The following NFIX variants were observed in gnomAD, a reference collection of about 807,000 sequenced individuals.
NFIX encodes the protein nuclear factor I X.
Under a neutral mutation model 53.3 loss-of-function variants are expected in NFIX, and 2 were observed. That is an observed-to-expected ratio of 0.04 (90% CI 0.02 to 0.12). The LOEUF is 0.12. Among genes scored for constraint, NFIX ranks in the 10% least tolerant of loss-of-function variants. The probability of loss-of-function intolerance (pLI) is 1.00; values close to 1 mark genes in which losing one functional copy is unlikely to be tolerated. For missense variants in NFIX, 310 were observed against 674.5 expected, an observed-to-expected ratio of 0.46 and a Z score of 5.99; for synonymous variants, 244 against 289.0, an observed-to-expected ratio of 0.84 and a Z score of 1.58.
chr19:13,082,592 C>G (rs969014892), intron 8 of NFIX: 8 of 152,290 alleles, frequency 5.3e-5, no homozygotes, highest in African/African-American at 1.9e-4. Context: ...TGGCTCCCCC[C>G]AGAGCCCTTC....
intron 2 of NFIX, among the ~76,000 whole-genome samples, chr19:13,058,708 A>C (rs1277295739): frequency 1.1e-4 from 16 of 151,972 alleles, no homozygotes; most frequent in Admixed American, 1.0e-3. Flanking sequence ...AGCAAAAAAG[A>C]AACAGAAAAG....
At chr19:13,074,106 G>A in intron 5 of NFIX, 80 bp downstream of exon 5, 1 of 1,565,904 alleles carries the variant, frequency 6.4e-7, no homozygotes, top group Non-Finnish European at 8.8e-7. Flanking sequence ...ATAGTCAGCT[G>A]TGTCACTGAG....
At position 13,036,573 on chromosome 19, in the gene NFIX, G is replaced by A. The variant is rs1001994132; in HGVS notation, c.559+11021G>A. Among the ~76,000 whole-genome samples, 1 of 152,168 alleles carries A rather than the reference G, an allele frequency of 6.6e-6. No individual in the cohort carries two copies. Among genetic ancestry groups the A allele is most frequent in the African/African-American group, 2.4e-5 (1 of 41,444 alleles). ...GAGCGATCGGGAGATCCCCGGAGGC[G>A]ACCTGCAGGAGGCCAGCCGAGTGCA... On this transcript the variant is annotated intron_variant, in intron 2 of 10. Coordinates refer to ENST00000592199, the MANE Select transcript of NFIX (RefSeq NM_001365902.3). The surrounding 1 kb of genome is among the most constrained non-coding windows in gnomAD (Gnocchi z 4.7).
In NFIX at chr19:13,066,366, A is replaced by G. The variant is rs888192523; in HGVS notation, c.560-6681A>G. Among the ~76,000 whole-genome samples the G allele has an allele frequency of 1.4e-4, 18 of 124,784 alleles. 1 individual carries two copies. Among genetic ancestry groups the G allele is most frequent in the Non-Finnish European group, 1.7e-5 (1 of 59,346 alleles). The allele number at this position is 124,784 out of a possible 152,430, so 81.9% of individuals were successfully genotyped here. A position where few individuals can be genotyped will look rare whatever the true frequency, so the allele number is the denominator to read the frequency against. ...GTGCCTTCCCTACCCCCCCGCCCCC[A>G]ACAATGGCTTTTCTTGAGCCTAGGC... On this transcript the variant is annotated intron_variant, in intron 2 of 10. Transcript: ENST00000592199. The surrounding 1 kb of genome is among the most constrained non-coding windows in gnomAD (Gnocchi z 4.2).
At position 13,051,397 on chromosome 19, in the gene NFIX, G is replaced by A. The variant is rs2015318614; in HGVS notation, c.560-21650G>A. 6.6e-6 allele frequency among the ~76,000 whole-genome samples: 1 copy of A among 152,172 alleles called. No individual in the cohort carries two copies. The highest frequency in any genetic ancestry group is 2.1e-4 in the South Asian group (1 of 4,832). On this transcript the variant is annotated intron_variant, in intron 2 of 10. Transcript: ENST00000592199. The surrounding 1 kb of genome is among the most constrained non-coding windows in gnomAD (Gnocchi z 5.1). Reference sequence around the variant, plus strand: ...AGGGTACTAGGGATGGAAGGGAAGAGGAGGGGAATGCTGTCTGACCTGACA... The same window carrying A: ...AGGGTACTAGGGATGGAAGGGAAGAAGAGGGGAATGCTGTCTGACCTGACA...
intron 1 of NFIX, chr19:13,024,733 GGAGAGA>G (rs140446550): frequency 6.5e-7 from 1 of 1,529,562 alleles, no homozygotes; most frequent in Admixed American, 2.0e-5. Flanking sequence ...AGTGAGTGAG[GGAGAGA>G]GAGAGAGAAT....
intron 1 of NFIX, among the ~76,000 whole-genome samples, chr19:13,007,032 C>T (rs1237497188): frequency 2.6e-5 from 4 of 152,214 alleles, no homozygotes; most frequent in South Asian, 2.1e-4. Flanking sequence ...CTGGAAGGGC[C>T]GGGCTGCCTC....
In NFIX at chr19:13,002,420, G is replaced by A. The variant is rs2011760948; in HGVS notation, c.27+6556G>A. ...CCCCTCCCGAGGAGCCCCTCTGAGG[G>A]CGGGAGTGGCCTCGTGCAGGGGCCT... is the stretch of plus-strand genomic sequence containing the variant. On this transcript the variant is annotated intron_variant, in intron 1 of 10. Coordinates refer to ENST00000592199, the MANE Select transcript of NFIX (RefSeq NM_001365902.3). This position sits in a 1 kb window ranked among gnomAD's most constrained non-coding sequence, Gnocchi z 6.1. 6.6e-6 allele frequency among the ~76,000 whole-genome samples: 1 copy of A among 152,160 alleles called. No individual in the cohort carries two copies. Among genetic ancestry groups the A allele is most frequent in the South Asian group, 2.1e-4 (1 of 4,830 alleles).
At chr19:13,039,933 C>A (rs1223745530) in intron 2 of NFIX, among the ~76,000 whole-genome samples, 2 of 151,992 alleles carry the variant, frequency 1.3e-5, no homozygotes, top group South Asian at 2.1e-4. Flanking sequence ...AGAAAGGGGG[C>A]TGATGAAGGA....
Position 13,019,719 on chromosome 19 carries a change from T to G in NFIX, c.28-5302T>G, listed in dbSNP as rs201770274. 5.0e-3 allele frequency among the ~76,000 whole-genome samples: 721 copies of G among 145,440 alleles called. 10 individuals are homozygous for G. The highest frequency in any genetic ancestry group is 5.3e-3 in the Non-Finnish European group (347 of 66,052). ...CAGTGAAAACTGTTGCTGGTTTTTT[T>G]TTTGTTTGTTTGTTTTTTTTTTTTT... On this transcript the variant is annotated intron_variant, in intron 1 of 10. Coordinates refer to ENST00000592199, the MANE Select transcript of NFIX (RefSeq NM_001365902.3).
chr19:12,995,836 C>A lies in NFIX; in HGVS notation c.-2C>A. 2 of 1,002,640 alleles carry A rather than the reference C, an allele frequency of 2.0e-6. No homozygotes were observed. The highest frequency in any genetic ancestry group is 1.2e-6 in the Non-Finnish European group (1 of 843,490). 62.1% of individuals were successfully genotyped at this position (1,002,640 alleles called of 1,614,324 possible). ...GCCGCGCTCCCGCCCGGGCGCCCAGCTATGTACTCCCCGTACTGCCTCACC... is the reference window on the plus strand; with the variant it reads ...GCCGCGCTCCCGCCCGGGCGCCCAGATATGTACTCCCCGTACTGCCTCACC... On this transcript the variant is annotated 5_prime_UTR_variant, in exon 1 of 11. Coordinates refer to ENST00000592199, the MANE Select transcript of NFIX (RefSeq NM_001365902.3).
In NFIX at chr19:13,078,151, C is replaced by T. The variant is rs2017222721; in HGVS notation, c.956-462C>T. On this transcript the variant is annotated intron_variant, in intron 6 of 10. Coordinates refer to ENST00000592199, the MANE Select transcript of NFIX (RefSeq NM_001365902.3). The surrounding 1 kb of genome is among the most constrained non-coding windows in gnomAD (Gnocchi z 4.7). ...TAAACGGGGCCCTGGCTTCTTCCCA[C>T]CAGAACCTCCCATGGCCCCGGGCAC... Among the ~76,000 whole-genome samples the T allele has an allele frequency of 6.6e-6, 1 of 152,164 alleles. No homozygotes were observed. Among genetic ancestry groups the T allele is most frequent in the South Asian group, 2.1e-4 (1 of 4,830 alleles).
Position 13,051,950 on chromosome 19 carries a change from T to G in NFIX, c.560-21097T>G, listed in dbSNP as rs2015355504. Among the ~76,000 whole-genome samples, 1 of 152,166 alleles carries G rather than the reference T, an allele frequency of 6.6e-6. No homozygotes were observed. The highest frequency in any genetic ancestry group is 6.5e-5 in the Admixed American group (1 of 15,276). Reference sequence around the variant, plus strand: ...AGCGCCCGCCTTCTCCGCTCCGGCTTCATGCTCTCCAGGTTTCTCCACTTC... The same window carrying G: ...AGCGCCCGCCTTCTCCGCTCCGGCTGCATGCTCTCCAGGTTTCTCCACTTC... On this transcript the variant is annotated intron_variant, in intron 2 of 10. Transcript: ENST00000592199. The surrounding 1 kb of genome is among the most constrained non-coding windows in gnomAD (Gnocchi z 5.1).
chr19:13,080,216 CA>C (rs58848016), intron 7 of NFIX, among the ~76,000 whole-genome samples: 15,920 of 150,890 alleles, frequency 0.11, 1,593 homozygotes, highest in African/African-American at 0.26. Flanking sequence ...CAAACTATTG[CA>C]AAAAAAAGGG....
chr19:13,017,372 T>A (rs2012724296), intron 1 of NFIX, among the ~76,000 whole-genome samples: 1 of 152,236 alleles, frequency 6.6e-6, no homozygotes, highest in South Asian at 2.1e-4. Flanking sequence ...AAAAATGACC[T>A]CTTTCTAACT....
chr19:13,036,250 C>T lies in NFIX; in HGVS notation c.559+10698C>T, dbSNP rs1050707786. On this transcript the variant is annotated intron_variant, in intron 2 of 10. Transcript: ENST00000592199. The surrounding 1 kb of genome is among the most constrained non-coding windows in gnomAD (Gnocchi z 4.7). ...CCTTCGCCAACTGGCCTGGCGTGTC[C>T]GGGAGGCTTCCTTTCTTAAAATGGG... Among the ~76,000 whole-genome samples, 1 of 152,176 alleles carries T rather than the reference C, an allele frequency of 6.6e-6. No individual in the cohort carries two copies. The highest frequency in any genetic ancestry group is 2.4e-5 in the African/African-American group (1 of 41,446).
chr19:13,027,543 T>C lies in NFIX; in HGVS notation c.559+1991T>C, dbSNP rs11879606. ...ACCAGGGGCTCGAGAGCATCTAAGA[T>C]GAAAATCAACACTCATCTTCCTCTG... On this transcript the variant is annotated intron_variant, in intron 2 of 10. Transcript: ENST00000592199. This position sits in a 1 kb window ranked among gnomAD's most constrained non-coding sequence, Gnocchi z 4.3. 0.012 allele frequency among the ~76,000 whole-genome samples: 1,861 copies of C among 152,232 alleles called. 45 individuals are homozygous for C. The highest frequency in any genetic ancestry group is 0.043 in the African/African-American group (1,768 of 41,530).
rs141097445 is a variant in NFIX, at chr19:13,015,196, CT to C, written c.28-9815del. ...ATTCGTCTTTTTACATAAGCAGAAACTTTTTTTTTTCCTCCTTAGAGAGATA... is the reference window on the plus strand; with the variant it reads ...ATTCGTCTTTTTACATAAGCAGAAACTTTTTTTTTCCTCCTTAGAGAGATA... On this transcript the variant is annotated intron_variant, in intron 1 of 10. Coordinates refer to ENST00000592199, the MANE Select transcript of NFIX (RefSeq NM_001365902.3). 2.2e-4 allele frequency among the ~76,000 whole-genome samples: 33 copies of C among 150,484 alleles called. No individual in the cohort carries two copies. In the South Asian group the frequency reaches 2.7e-3, roughly 13 times the overall value.
rs983108674 is a variant in NFIX at position 13,049,072 on chromosome 19, G to C, written c.559+23520G>C. On this transcript the variant is annotated intron_variant, in intron 2 of 10. Transcript: ENST00000592199. The surrounding 1 kb of genome is among the most constrained non-coding windows in gnomAD (Gnocchi z 4.5). Reference sequence around the variant, plus strand: ...AGCCTGGGCGACAGAGCAAGACTCTGTCTAAAAAAAAACAAAACAAAACAA... The same window carrying C: ...AGCCTGGGCGACAGAGCAAGACTCTCTCTAAAAAAAAACAAAACAAAACAA... 5.9e-5 allele frequency among the ~76,000 whole-genome samples: 9 copies of C among 151,674 alleles called. No individual in the cohort carries two copies. Among genetic ancestry groups the C allele is most frequent in the African/African-American group, 2.2e-4 (9 of 41,344 alleles).
Sources: gnomAD v4.1 joint callset for allele counts (sites outside exome capture counted in the v4.1 genomes callset) on GRCh38, gnomAD v4.1.1 for gene constraint, Gnocchi (gnomAD v3.1) non-coding constraint, MANE v1.5 for transcripts, NCBI Gene and HGNC (gene_info 2026-07-23, HGNC 2026-07-21) for gene names.